The following PPARGC1A variants were observed in gnomAD, a reference collection of about 807,000 sequenced individuals.
PPARGC1A encodes the protein peroxisome proliferator-activated receptor gamma coactivator 1-alpha.
In PPARGC1A, 25 loss-of-function variants were observed where a neutral mutation model predicts 88.7. The ratio of observed to expected loss-of-function variants is 0.28; its 90% CI spans 0.21 to 0.39. The LOEUF is 0.39. Among genes scored for constraint, PPARGC1A ranks in the 10% least tolerant of loss-of-function variants. The pLI is 1.00. For missense variants in PPARGC1A, 880 were observed against 968.7 expected (o/e 0.91, Z 1.22); for synonymous variants, 363 against 355.6 (o/e 1.02, Z -0.24).
intron 2 of PPARGC1A, among the ~76,000 whole-genome samples, chr4:23,876,907 C>T (rs1342812774): frequency 6.6e-6 from 1 of 152,014 alleles, no homozygotes; most frequent in African/African-American, 2.4e-5. Context: ...TGGCTGCAAA[C>T]CTTGAATGAA....
chr4:24,184,686 G>A, the PPARGC1A span, among the ~76,000 whole-genome samples: 1 of 152,158 alleles, frequency 6.6e-6, no homozygotes, highest in Non-Finnish European at 1.5e-5. Flanking sequence ...CTCCTCACGT[G>A]CACCCTCTAT....
the PPARGC1A span, among the ~76,000 whole-genome samples, chr4:24,294,887 C>G: frequency 6.6e-6 from 1 of 152,210 alleles, no homozygotes; most frequent in Non-Finnish European, 1.5e-5. Context: ...GCAGCTCCAA[C>G]TAAGAGGACA....
At chr4:24,042,665 C>G in the PPARGC1A span, among the ~76,000 whole-genome samples, 2 of 152,114 alleles carry the variant, frequency 1.3e-5, no homozygotes, top group Admixed American at 6.5e-5. Context: ...GTGATGTCTG[C>G]TTTCTCATGT....
the PPARGC1A span, among the ~76,000 whole-genome samples, chr4:23,978,535 C>T: frequency 3.9e-5 from 6 of 152,240 alleles, no homozygotes; most frequent in Admixed American, 1.3e-4. Context: ...AATGACAAAA[C>T]AGATGATATA....
At chr4:24,377,551 T>C in the PPARGC1A span, among the ~76,000 whole-genome samples, 3 of 152,118 alleles carry the variant, frequency 2.0e-5, no homozygotes, top group Non-Finnish European at 4.4e-5. Flanking sequence ...TTCACTATAA[T>C]TGAGTTTCAA....
At chr4:23,885,079 A>G in intron 1 of PPARGC1A, 148 bp from the exon 2 acceptor site, 1 of 680,290 alleles carries the variant, frequency 1.5e-6, no homozygotes, top group African/African-American at 1.8e-5. Flanking sequence ...ACCAGGAAAA[A>G]CATCCTAAAA....
chr4:24,204,369 G>A, the PPARGC1A span, among the ~76,000 whole-genome samples: 11 of 152,174 alleles, frequency 7.2e-5, no homozygotes, highest in Admixed American at 3.3e-4. Context: ...CTTTGTATTC[G>A]TCACCATTGT....
chr4:23,850,987 T>C (rs1014700802), intron 2 of PPARGC1A, among the ~76,000 whole-genome samples: 1 of 152,188 alleles, frequency 6.6e-6, no homozygotes, highest in Non-Finnish European at 1.5e-5. Flanking sequence ...AAAAAGTAGC[T>C]CACTGAATAT....
the PPARGC1A span, among the ~76,000 whole-genome samples, chr4:24,218,604 A>C: frequency 1.3e-5 from 2 of 152,260 alleles, no homozygotes; most frequent in African/African-American, 4.8e-5. Flanking sequence ...TTTATTTAGA[A>C]GAGTGGCTGA....
the PPARGC1A span, among the ~76,000 whole-genome samples, chr4:24,407,640 C>G: frequency 6.6e-6 from 1 of 152,188 alleles, no homozygotes; most frequent in Non-Finnish European, 1.5e-5. Flanking sequence ...CCCCAGGAAT[C>G]CTGGAAACAA....
chr4:24,386,015 C>A, the PPARGC1A span, among the ~76,000 whole-genome samples: 1 of 152,140 alleles, frequency 6.6e-6, no homozygotes, highest in African/African-American at 2.4e-5. Flanking sequence ...CAAATTGGAT[C>A]CAGAAGCACA....
chr4:24,123,910 CAAA>C, the PPARGC1A span, among the ~76,000 whole-genome samples: 5 of 123,440 alleles, frequency 4.1e-5, no homozygotes, highest in South Asian at 9.0e-4. Flanking sequence ...TCTAAGTTGG[CAAA>C]AAAAAAAAAA....
chr4:24,241,177 A>G, the PPARGC1A span, among the ~76,000 whole-genome samples: 62 of 152,198 alleles, frequency 4.1e-4, no homozygotes, highest in Non-Finnish European at 1.2e-4. Flanking sequence ...TAGTTAAATA[A>G]TTGCCCAAAT....
the PPARGC1A span, among the ~76,000 whole-genome samples, chr4:23,994,542 A>T: frequency 6.6e-6 from 1 of 152,150 alleles, no homozygotes; most frequent in Non-Finnish European, 1.5e-5. Flanking sequence ...TAGCACTAAT[A>T]AAGGTCACAT....
At chr4:24,455,211 T>C in the PPARGC1A span, among the ~76,000 whole-genome samples, 1 of 152,220 alleles carries the variant, frequency 6.6e-6, no homozygotes, top group Admixed American at 6.5e-5. Context: ...GCCGGGGCAG[T>C]GGCTCAAGCC....
the PPARGC1A span, among the ~76,000 whole-genome samples, chr4:23,967,083 A>G: frequency 6.6e-6 from 1 of 152,196 alleles, no homozygotes; most frequent in African/African-American, 2.4e-5. Flanking sequence ...CTTATTATTA[A>G]AGGAAATTCT....
chr4:24,433,889 C>T, the PPARGC1A span, among the ~76,000 whole-genome samples: 1 of 152,162 alleles, frequency 6.6e-6, no homozygotes, highest in African/African-American at 2.4e-5. Flanking sequence ...TGGTGTTCTC[C>T]TGGTTCTTAT....
At chr4:24,317,261 A>C in the PPARGC1A span, among the ~76,000 whole-genome samples, 1 of 152,050 alleles carries the variant, frequency 6.6e-6, no homozygotes, top group Middle Eastern at 3.2e-3. Flanking sequence ...GGAGATACAC[A>C]GTTCACTCCC....
the PPARGC1A span, among the ~76,000 whole-genome samples, chr4:24,253,719 T>A: frequency 3.2e-3 from 431 of 136,794 alleles, 1 homozygote; most frequent in Non-Finnish European, 5.2e-3. Context: ...TTTGTCACCA[T>A]ACACACCTCA....
Sources: allele counts gnomAD v4.1 joint callset (sites outside exome capture counted in the v4.1 genomes callset), GRCh38; gene constraint gnomAD v4.1.1; transcripts MANE v1.5; gene names NCBI Gene and HGNC (gene_info 2026-07-23, HGNC 2026-07-21).